Variants in ACTR3C observed in about 807,000 individuals in gnomAD.
ACTR3C encodes actin related protein 3C.
ACTR3C carries 18 observed loss-of-function variants against 26.3 expected under a neutral mutation model. That is an observed-to-expected ratio of 0.68 (90% confidence interval 0.47 to 1.01). ACTR3C has a LOEUF of 1.01. ACTR3C is among the 50% of genes least tolerant of loss of function. The probability of loss-of-function intolerance (pLI) is 0.00; values close to 1 mark genes in which losing one functional copy is unlikely to be tolerated. For missense variants in ACTR3C, 184 were observed against 250.7 expected (o/e 0.73, Z 1.80); for synonymous variants, 55 against 94.5 (o/e 0.58, Z 2.42).
At chr7:150,080,527 A>ATGTGTGTATG in the ACTR3C span, among the ~76,000 whole-genome samples, 3 of 142,556 alleles carry the variant, frequency 2.1e-5, no homozygotes, top group African/African-American at 7.9e-5. Context: ...TTGTGTGTGT[A>ATGTGTGTATG]TGTGTGTGTG....
At chr7:149,964,537 A>G in the ACTR3C span, among the ~76,000 whole-genome samples, 20 of 152,238 alleles carry the variant, frequency 1.3e-4, no homozygotes, top group African/African-American at 3.9e-4. Flanking sequence ...GGCAGCTTGC[A>G]GCGTGAGCAG....
the ACTR3C span, among the ~76,000 whole-genome samples, chr7:150,029,133 C>A: frequency 3.3e-5 from 5 of 151,978 alleles, no homozygotes; most frequent in African/African-American, 1.2e-4. Flanking sequence ...CAAGCCGATG[C>A]CTCCTCCCAC....
Position 150,286,436 on chromosome 7 carries a change from G to T in ACTR3C, c.402C>A (p.Asn134Lys). The T allele has an allele frequency of 6.2e-7, 1 of 1,613,376 alleles. No individual in the cohort carries two copies. Among genetic ancestry groups the T allele is most frequent in the Non-Finnish European group, 8.5e-7 (1 of 1,179,978 alleles). The change falls in exon 5 of 8, where the codon AAC becomes AAA. Residue 134 changes from asparagine to lysine, a missense_variant. Asn to Lys is a moderately conservative substitution (Grantham distance 94). Coordinates refer to ENST00000683684, the MANE Select transcript of ACTR3C (RefSeq NM_001164458.2). ...IKQYTGINAI[N>K]QKKFVIDVGY... ...CAACGTCTATAACAAACTTCTTCTG[G>T]TTGATCGCATTGATACCCGTGTACT...
At chr7:150,061,097 G>C in the ACTR3C span, among the ~76,000 whole-genome samples, 2 of 63,012 alleles carry the variant, frequency 3.2e-5, no homozygotes, top group Admixed American at 4.1e-4. Flanking sequence ...TTGGTGGGTG[G>C]GACACAACAC....
At position 150,299,485 on chromosome 7, in the gene ACTR3C, AAAAAAAAAAC is replaced by A. The variant is rs1288374148; in HGVS notation, c.-51-4148_-51-4139del. Among the ~76,000 whole-genome samples, 34 of 145,086 alleles carry A rather than the reference AAAAAAAAAAC, an allele frequency of 2.3e-4. 1 individual carries two copies. Among genetic ancestry groups the A allele is most frequent in the Non-Finnish European group, 4.5e-5 (3 of 67,256 alleles). On this transcript the variant is annotated intron_variant, in intron 1 of 7. Coordinates refer to ENST00000683684, the MANE Select transcript of ACTR3C (RefSeq NM_001164458.2). ...CTCTCAAAAAAAAAAAAAAAAAAAA[AAAAAAAAAAC>A]AAAAAACAGGCTGGGTGGTGTGGCT...
chr7:150,309,756 C>A (rs371485613), intron 1 of ACTR3C, among the ~76,000 whole-genome samples: 1 of 152,274 alleles, frequency 6.6e-6, no homozygotes, highest in Non-Finnish European at 1.5e-5. Flanking sequence ...ACTTCTAGGG[C>A]CCCTGGAGCT....
At chr7:149,988,510 T>C in the ACTR3C span, among the ~76,000 whole-genome samples, 74,898 of 152,016 alleles carry the variant, frequency 0.49, 19,737 homozygotes, top group South Asian at 0.59. Flanking sequence ...TATCCATTCA[T>C]GACATTTGCC....
chr7:149,896,050 A>C, the ACTR3C span, among the ~76,000 whole-genome samples: 3 of 149,200 alleles, frequency 2.0e-5, no homozygotes, highest in South Asian at 2.1e-4. Context: ...AAAAAAAAAA[A>C]AAAAAACACA....
At chr7:150,223,477 TTTTTG>T in the ACTR3C span, among the ~76,000 whole-genome samples, 2 of 140,758 alleles carry the variant, frequency 1.4e-5, no homozygotes, top group African/African-American at 6.1e-5. Flanking sequence ...ATGCAGGGTT[TTTTTG>T]TTTGTTTGTT....
the ACTR3C span, among the ~76,000 whole-genome samples, chr7:150,136,276 G>T: frequency 6.6e-6 from 1 of 152,142 alleles, no homozygotes; most frequent in Non-Finnish European, 1.5e-5. Flanking sequence ...AGAACCTGTG[G>T]TATTTTCAGA....
At chr7:150,037,563 T>C in the ACTR3C span, among the ~76,000 whole-genome samples, 1 of 45,688 alleles carries the variant, frequency 2.2e-5, no homozygotes, top group African/African-American at 8.2e-5. Context: ...GCGATGGGGG[T>C]CCTAAGAACC....
At chr7:150,033,391 G>T in the ACTR3C span, among the ~76,000 whole-genome samples, 2 of 152,224 alleles carry the variant, frequency 1.3e-5, no homozygotes. Context: ...ATGAGTATCA[G>T]CTCCTGACAT....
intron 6 of ACTR3C, among the ~76,000 whole-genome samples, chr7:150,258,895 G>C (rs893314732): frequency 3.3e-5 from 5 of 151,934 alleles, no homozygotes; most frequent in African/African-American, 1.2e-4. Flanking sequence ...AGCTGTGTTT[G>C]CAGACAGATA....
the ACTR3C span, among the ~76,000 whole-genome samples, chr7:149,907,489 T>TC: frequency 4.7e-5 from 7 of 148,120 alleles, no homozygotes; most frequent in Middle Eastern, 3.4e-3. Context: ...TCTCTCTCTC[T>TC]CTCTCTCTCT....
chr7:150,107,515 A>G, the ACTR3C span, among the ~76,000 whole-genome samples: 1 of 152,034 alleles, frequency 6.6e-6, no homozygotes, highest in Non-Finnish European at 1.5e-5. Flanking sequence ...TACAACCTTG[A>G]CAAAAACAAA....
At chr7:150,182,429 C>T in the ACTR3C span, among the ~76,000 whole-genome samples, 1 of 150,658 alleles carries the variant, frequency 6.6e-6, no homozygotes, top group African/African-American at 2.5e-5. Flanking sequence ...TTGTGTTATT[C>T]AAATATTGCA....
At chr7:150,076,202 T>C in the ACTR3C span, among the ~76,000 whole-genome samples, 26,180 of 150,302 alleles carry the variant, frequency 0.17, 2,444 homozygotes, top group South Asian at 0.24. Context: ...TTCCAATGAG[T>C]ATTGACATAA....
At chr7:150,244,755 C>G (rs2129608685), downstream of ACTR3C, 1 of 176,650 alleles carries the variant, frequency 5.7e-6, no homozygotes, top group South Asian at 1.5e-4. Context: ...CTCTGCTCTT[C>G]CCAGCCTCTG....
At chr7:149,939,088 C>T in the ACTR3C span, among the ~76,000 whole-genome samples, 5 of 152,028 alleles carry the variant, frequency 3.3e-5, no homozygotes, top group African/African-American at 9.7e-5. Flanking sequence ...TCAAGCCATT[C>T]TCCTGCCTCA....
Sources: allele counts gnomAD v4.1 joint callset (sites outside exome capture counted in the v4.1 genomes callset), GRCh38; gene constraint gnomAD v4.1.1; transcripts MANE v1.5; gene names NCBI Gene and HGNC (gene_info 2026-07-23, HGNC 2026-07-21).